SND1: variants seen among roughly 807,000 people sequenced by gnomAD.
The protein encoded by SND1 is staphylococcal nuclease and tudor domain containing 1.
SND1 carries 38 observed loss-of-function variants against 121.7 expected under a neutral mutation model. The observed-to-expected ratio is 0.31, with a 90% CI of 0.24 to 0.41. The LOEUF is 0.41. SND1 is among the 10% of genes least tolerant of loss of function. The pLI, the probability that SND1 is intolerant of heterozygous loss-of-function variation, is 1.00. For synonymous variants in SND1, 401 were observed against 447.4 expected (o/e 0.90, Z 1.31); for missense variants, 868 against 1,184.6 (o/e 0.73, Z 3.92).
At chr7:127,927,332 G>A (rs1800862423) in intron 14 of SND1, among the ~76,000 whole-genome samples, 1 of 152,170 alleles carries the variant, frequency 6.6e-6, no homozygotes, top group South Asian at 2.1e-4. Context: ...TGAGATGTTA[G>A]GTTGCCTCAT....
At chr7:127,992,354 C>T (rs577210087) in intron 16 of SND1, among the ~76,000 whole-genome samples, 1 of 152,326 alleles carries the variant, frequency 6.6e-6, no homozygotes, top group Non-Finnish European at 1.5e-5. Flanking sequence ...AATCCAAACA[C>T]TCCAGTTGTC....
chr7:127,903,320 G>A (rs939478318), intron 13 of SND1, among the ~76,000 whole-genome samples: 2 of 152,006 alleles, frequency 1.3e-5, no homozygotes, highest in African/African-American at 2.4e-5. Flanking sequence ...CACTGCACCC[G>A]GCCCCATTTG....
intron 10 of SND1, among the ~76,000 whole-genome samples, chr7:127,788,175 C>G (rs889480250): frequency 1.3e-5 from 2 of 152,190 alleles, no homozygotes; most frequent in Non-Finnish European, 2.9e-5. Context: ...AACCCTTTCT[C>G]TCTCTTTTTT....
chr7:128,027,087 A>T (rs528839866), intron 16 of SND1: 1 of 152,574 alleles, frequency 6.6e-6, no homozygotes, highest in South Asian at 2.1e-4. Flanking sequence ...ATTCAACAAT[A>T]TTTATTAAAA....
intron 10 of SND1, among the ~76,000 whole-genome samples, chr7:127,760,134 T>C (rs1453801882): frequency 6.6e-6 from 1 of 152,206 alleles, no homozygotes; most frequent in Non-Finnish European, 1.5e-5. Context: ...CCAGACTTGC[T>C]CTGGAAATGT....
intron 16 of SND1, among the ~76,000 whole-genome samples, chr7:128,040,359 G>A (rs192117431): frequency 3.3e-5 from 5 of 150,258 alleles, no homozygotes; most frequent in African/African-American, 1.2e-4. Context: ...CTTGAGCCTG[G>A]GAGGAGGAGG....
In SND1 at chr7:127,986,223, C is replaced by T. The variant is rs375400268; in HGVS notation, c.1670-4724C>T. Among the ~76,000 whole-genome samples the T allele has an allele frequency of 2.6e-5, 4 of 152,324 alleles. No individual in the cohort carries two copies. In the South Asian group the frequency reaches 8.3e-4, roughly 32 times the overall value. On this transcript the variant is annotated intron_variant, in intron 15 of 23. Transcript: ENST00000354725. ...TTGTCATTAACAAGAATGTGTACTT[C>T]TTGTTCCAAAGCTGACTGACCAGAG... is the stretch of plus-strand genomic sequence containing the variant.
At position 127,704,868 on chromosome 7, in the gene SND1, G is replaced by A. The variant is rs1796162083; in HGVS notation, c.870G>A (p.Lys290=). Reference sequence around the variant, plus strand: ...GCAACATCACAGAGCTCCTCCTGAAGGAAGGTTTCGCACGCTGTGTGGACT... The same window carrying A: ...GCAACATCACAGAGCTCCTCCTGAAAGAAGGTTTCGCACGCTGTGTGGACT... ...PNGNITELLL[K]EGFARCVDWS... is the part of the protein sequence containing the mutation. The change falls in exon 8 of 24, where the codon AAG becomes AAA. Residue 290 remains lysine, a synonymous_variant. Transcript: ENST00000354725. The A allele has an allele frequency of 6.2e-7, 1 of 1,614,068 alleles. No individual in the cohort carries two copies. The highest frequency in any genetic ancestry group is 8.5e-7 in the Non-Finnish European group (1 of 1,179,962).
At chr7:127,688,994 C>G (rs1043611590) in intron 2 of SND1, among the ~76,000 whole-genome samples, 2 of 152,072 alleles carry the variant, frequency 1.3e-5, no homozygotes, top group Non-Finnish European at 2.9e-5. Flanking sequence ...GAAAAACTCC[C>G]ATAATTCTAC....
chr7:127,827,696 T>G (rs1465999315), intron 11 of SND1, among the ~76,000 whole-genome samples: 1 of 152,362 alleles, frequency 6.6e-6, no homozygotes, highest in South Asian at 2.1e-4. Flanking sequence ...CAAATACTTA[T>G]TAGATCTGAT....
intron 11 of SND1, among the ~76,000 whole-genome samples, chr7:127,808,411 C>T (rs556015235): frequency 2.0e-5 from 3 of 152,200 alleles, no homozygotes; most frequent in South Asian, 2.1e-4. Context: ...GTGATCCACC[C>T]GCCTCAGCCT....
At chr7:127,932,734 C>G (rs1414018583) in intron 15 of SND1, among the ~76,000 whole-genome samples, 1 of 152,194 alleles carries the variant, frequency 6.6e-6, no homozygotes, top group Non-Finnish European at 1.5e-5. Flanking sequence ...CAGCCACAAA[C>G]ATGGAAGCAA....
intron 11 of SND1, among the ~76,000 whole-genome samples, chr7:127,823,004 C>T (rs1198404146): frequency 6.6e-5 from 10 of 152,036 alleles, no homozygotes; most frequent in South Asian, 6.2e-4. Flanking sequence ...ATTGTAAGAG[C>T]GTAATCGATA....
rs1240445151 is a variant in SND1, at chr7:127,721,356, C to T, written c.1108C>T (p.Leu370=). 1 of 1,613,004 alleles carries T rather than the reference C, an allele frequency of 6.2e-7. No homozygotes were observed. The highest frequency in any genetic ancestry group is 8.5e-7 in the Non-Finnish European group (1 of 1,179,694). Residue 370 remains leucine, a synonymous_variant, in exon 10 of 24, where the codon CTG becomes TTG. Coordinates refer to ENST00000354725, the MANE Select transcript of SND1 (RefSeq NM_014390.4). ...LNSGDYKTIH[L]SSIRPPRLEG... ...CTCAGGCGATTACAAGACGATTCAC[C>T]TGTCCAGCATCCGACCACCGAGGCT...
intron 8 of SND1, 56 bp from the exon 9 acceptor site, chr7:127,707,501 G>C: frequency 3.5e-6 from 5 of 1,409,728 alleles, no homozygotes; most frequent in Non-Finnish European, 5.0e-6. Flanking sequence ...TCCCATGGTA[G>C]TGGTGGATTC....
At chr7:127,858,305 G>T in intron 12 of SND1, 1 of 1,000,714 alleles carries the variant, frequency 1.0e-6, no homozygotes, top group African/African-American at 1.6e-5. Flanking sequence ...GGGTCACCCA[G>T]GCCCCTTGCT....
At chr7:127,855,739 C>G (rs762789557) in intron 12 of SND1, among the ~76,000 whole-genome samples, 5 of 152,172 alleles carry the variant, frequency 3.3e-5, no homozygotes, top group Non-Finnish European at 5.9e-5. Context: ...TGTCCTCTTT[C>G]CCACCTCTCT....
chr7:127,980,866 C>T (rs966897923), intron 15 of SND1, among the ~76,000 whole-genome samples: 4 of 152,166 alleles, frequency 2.6e-5, no homozygotes, highest in African/African-American at 7.2e-5. Context: ...TAGCAAATCT[C>T]TAGCAACCTG....
intron 12 of SND1, among the ~76,000 whole-genome samples, chr7:127,854,198 C>T (rs1219117509): frequency 2.0e-5 from 3 of 152,166 alleles, no homozygotes; most frequent in African/African-American, 7.2e-5. Flanking sequence ...GATCTCAGCT[C>T]ACTGCAACCT....
Sources: allele counts gnomAD v4.1 joint callset (sites outside exome capture counted in the v4.1 genomes callset), GRCh38; gene constraint gnomAD v4.1.1; transcripts MANE v1.5; gene names NCBI Gene and HGNC (gene_info 2026-07-23, HGNC 2026-07-21).